PACRG: variants seen among roughly 807,000 people sequenced by gnomAD.
The protein encoded by PACRG is parkin coregulated, also known as parkin coregulated gene protein.
Under a neutral mutation model 29.7 loss-of-function variants are expected in PACRG, and 29 were observed. The observed-to-expected ratio is 0.98, with a 90% CI of 0.73 to 1.33. The LOEUF (loss-of-function observed/expected upper bound fraction) is 1.33. PACRG is among the 40% of genes most tolerant of loss of function. PACRG has a pLI of 0.00. For synonymous variants in PACRG, 116 were observed against 118.7 expected (o/e 0.98, Z 0.15); for missense variants, 279 against 316.2 (o/e 0.88, Z 0.89).
rs192458424 is a variant in PACRG, at chr6:162,801,265, T to A, written c.157-12882T>A. Reference sequence around the variant, plus strand: ...CTGGGATTACATGTGTGTACCACCATGCCCGGCTAATTTTTGTATTTTTAG... The same window carrying A: ...CTGGGATTACATGTGTGTACCACCAAGCCCGGCTAATTTTTGTATTTTTAG... On this transcript the variant is annotated intron_variant, in intron 1 of 4. Coordinates refer to ENST00000366888, the MANE Select transcript of PACRG (RefSeq NM_001080379.2). Among the ~76,000 whole-genome samples, 852 of 152,250 alleles carry A rather than the reference T, an allele frequency of 5.6e-3. 8 individuals are homozygous for A. The highest frequency in any genetic ancestry group is 0.02 in the African/African-American group (817 of 41,560).
intron 2 of PACRG, among the ~76,000 whole-genome samples, chr6:162,883,246 ACTGT>A (rs1248894011): frequency 1.3e-5 from 2 of 152,250 alleles, no homozygotes; most frequent in Admixed American, 6.5e-5. Flanking sequence ...TGTTACGTAA[ACTGT>A]CTGGCACATG....
chr6:162,987,061 T>C (rs984246401), intron 2 of PACRG, among the ~76,000 whole-genome samples: 1 of 152,132 alleles, frequency 6.6e-6, no homozygotes, highest in Non-Finnish European at 1.5e-5. Context: ...TGCTGAAGAG[T>C]TAGTCTGGCC....
intron 4 of PACRG, among the ~76,000 whole-genome samples, chr6:163,188,125 G>A (rs147350924): frequency 0.015 from 2,220 of 152,288 alleles, 56 homozygotes; most frequent in Admixed American, 0.077. Flanking sequence ...GGAACTATGT[G>A]ATCTGTGCAA....
intron 4 of PACRG, among the ~76,000 whole-genome samples, chr6:163,160,667 G>A (rs974903573): frequency 4.6e-5 from 7 of 152,172 alleles, no homozygotes; most frequent in African/African-American, 1.4e-4. Flanking sequence ...AGGCATTTTA[G>A]TAATTAAGTT....
At chr6:162,962,169 T>C (rs539660201) in intron 2 of PACRG, among the ~76,000 whole-genome samples, 1 of 152,268 alleles carries the variant, frequency 6.6e-6, no homozygotes, top group South Asian at 2.1e-4. Flanking sequence ...CACCTTACCT[T>C]GGGAAACTCT....
chr6:162,863,910 A>G (rs1050773911), intron 2 of PACRG, among the ~76,000 whole-genome samples: 3 of 152,120 alleles, frequency 2.0e-5, no homozygotes, highest in African/African-American at 7.2e-5. Flanking sequence ...TTTACTCTAC[A>G]TGATCCTTAT....
chr6:163,249,188 C>T (rs553374695), intron 4 of PACRG, among the ~76,000 whole-genome samples: 7 of 152,248 alleles, frequency 4.6e-5, no homozygotes, highest in East Asian at 1.9e-4. Context: ...CAAGGATGCA[C>T]GCAAAGTCTC....
intron 4 of PACRG, among the ~76,000 whole-genome samples, chr6:163,262,174 C>T (rs376443808): frequency 5.3e-5 from 8 of 152,194 alleles, no homozygotes; most frequent in Admixed American, 6.5e-5. Flanking sequence ...GTTTGTCTTT[C>T]GTTTTTCACA....
At chr6:162,990,352 C>A (rs1259696071) in intron 2 of PACRG, among the ~76,000 whole-genome samples, 1 of 151,642 alleles carries the variant, frequency 6.6e-6, no homozygotes, top group African/African-American at 2.4e-5. Context: ...ACAATCCCAC[C>A]AACAGTGTAA....
chr6:162,771,597 C>T lies in PACRG; in HGVS notation c.157-42550C>T, dbSNP rs112674476. Among the ~76,000 whole-genome samples the T allele has an allele frequency of 1.5e-4, 23 of 151,618 alleles. No homozygotes were observed. In the South Asian group the frequency reaches 1.7e-3, roughly 11 times the overall value. ...ATTTTGTACTTTTTTTTTTGGTACA[C>T]GTTTCTCAAACTATGTTAAAATTAA... is the stretch of plus-strand genomic sequence containing the variant. On this transcript the variant is annotated intron_variant, in intron 1 of 4. Transcript: ENST00000366888.
chr6:163,133,287 G>A (rs1487854011), intron 4 of PACRG, among the ~76,000 whole-genome samples: 1 of 152,162 alleles, frequency 6.6e-6, no homozygotes, highest in East Asian at 1.9e-4. Context: ...CACTGCGCAG[G>A]AATCTGGGAA....
chr6:163,041,559 G>C (rs1402309785), intron 2 of PACRG, among the ~76,000 whole-genome samples: 1 of 152,062 alleles, frequency 6.6e-6, no homozygotes, highest in Non-Finnish European at 1.5e-5. Context: ...ATGATTGCTA[G>C]TTTCCTGAGT....
rs147198306 is a variant in PACRG, at chr6:162,772,772, G to A, written c.157-41375G>A. ...AAAAGTTACTAAGGAAAGGAACCAGGGGTATAAATTCCAAAAGAGGTGGCA... is the reference window on the plus strand; with the variant it reads ...AAAAGTTACTAAGGAAAGGAACCAGAGGTATAAATTCCAAAAGAGGTGGCA... On this transcript the variant is annotated intron_variant, in intron 1 of 4. Coordinates refer to ENST00000366888, the MANE Select transcript of PACRG (RefSeq NM_001080379.2). 7.0e-3 allele frequency among the ~76,000 whole-genome samples: 1,063 copies of A among 152,264 alleles called. 5 individuals carry two copies. The highest frequency in any genetic ancestry group is 0.02 in the Admixed American group (309 of 15,296).
intron 1 of PACRG, among the ~76,000 whole-genome samples, chr6:162,792,422 T>C (rs1333955): frequency 0.54 from 82,684 of 151,860 alleles, 23,295 homozygotes; most frequent in African/African-American, 0.67. Context: ...GAAATGGTAG[T>C]CTTAGAGTGG....
At chr6:163,295,562 A>G (rs1784754782) in intron 4 of PACRG, among the ~76,000 whole-genome samples, 1 of 152,208 alleles carries the variant, frequency 6.6e-6, no homozygotes, top group East Asian at 1.9e-4. Context: ...GAAGTGAAAG[A>G]AAGTAACATT....
chr6:162,732,680 A>G (rs1215478258), intron 1 of PACRG, among the ~76,000 whole-genome samples: 1 of 152,208 alleles, frequency 6.6e-6, no homozygotes, highest in Non-Finnish European at 1.5e-5. Flanking sequence ...GTGGCGATGA[A>G]CTAATGGGTG....
intron 2 of PACRG, among the ~76,000 whole-genome samples, chr6:162,906,328 A>G (rs1196260175): frequency 1.3e-5 from 2 of 152,158 alleles, no homozygotes; most frequent in African/African-American, 4.8e-5. Flanking sequence ...TGTAAAGGTA[A>G]TAGTATTTGT....
At chr6:163,181,950 G>A (rs921374487) in intron 4 of PACRG, among the ~76,000 whole-genome samples, 6 of 152,160 alleles carry the variant, frequency 3.9e-5, no homozygotes, top group South Asian at 2.1e-4. Flanking sequence ...GTCATTGACC[G>A]TTCTCCCTTT....
intron 3 of PACRG, among the ~76,000 whole-genome samples, chr6:163,079,470 T>TAAGGAAA (rs1218470451): frequency 6.6e-6 from 1 of 151,908 alleles, no homozygotes; most frequent in Non-Finnish European, 1.5e-5. Flanking sequence ...ATCCTCCCTA[T>TAAGGAAA]AAGGAAAACC....
Sources: allele counts gnomAD v4.1 joint callset (sites outside exome capture counted in the v4.1 genomes callset), GRCh38; gene constraint gnomAD v4.1.1; transcripts MANE v1.5; gene names NCBI Gene and HGNC (gene_info 2026-07-23, HGNC 2026-07-21).